The following B4GALT5 variants were observed in gnomAD, a reference collection of about 807,000 sequenced individuals.
B4GALT5 encodes the protein UDP-Gal:beta-GlcNAc beta-1,4-galactosyltransferase 5.
Under a neutral mutation model 45.0 loss-of-function variants are expected in B4GALT5, and 11 were observed. That is an observed-to-expected ratio of 0.24 (90% CI 0.15 to 0.40). B4GALT5 has a LOEUF of 0.40. Ranked by LOEUF, B4GALT5 falls within the 10% of genes least tolerant of loss-of-function variation. The pLI is 1.00. For missense variants in B4GALT5, 337 were observed against 500.2 expected (o/e 0.67, Z 3.11); for synonymous variants, 185 against 182.9 (o/e 1.01, Z -0.09).
rs781302647 is a variant in B4GALT5, at chr20:49,642,527, G to A, written c.547C>T (p.His183Tyr). 1.9e-6 allele frequency: 3 copies of A among 1,614,204 alleles called. No homozygotes were observed. The highest frequency in any genetic ancestry group is 2.5e-6 in the Non-Finnish European group (3 of 1,180,020). ...RHEHLPVLFR[H>Y]LLPMLQRQRL... is the part of the protein sequence containing the mutation. ...TGGCGCTGGAGCATGGGAAGCAGGT[G>A]TCTGAACAGGACTGGGAGGTGCTCG... The change falls in exon 5 of 9, where the codon CAC becomes TAC. Residue 183 changes from histidine (H) to tyrosine (Y), a missense_variant. By Grantham distance (83) the His-to-Tyr change is moderately conservative. Transcript: ENST00000371711.
chr20:49,707,607 T>C (rs866487400), intron 1 of B4GALT5, among the ~76,000 whole-genome samples: 9 of 152,064 alleles, frequency 5.9e-5, no homozygotes, highest in African/African-American at 2.2e-4. Flanking sequence ...ATATAAAACA[T>C]GTATCTTCTC....
intron 1 of B4GALT5, among the ~76,000 whole-genome samples, chr20:49,713,218 G>A (rs768690930): frequency 3.3e-5 from 5 of 151,912 alleles, no homozygotes; most frequent in Non-Finnish European, 5.9e-5. Context: ...GGGAAGGGAA[G>A]GGGAAGCGGG....
chr20:49,641,872 C>T (rs188546992), intron 5 of B4GALT5, among the ~76,000 whole-genome samples: 31 of 151,592 alleles, frequency 2.0e-4, no homozygotes, highest in African/African-American at 7.5e-4. Flanking sequence ...GTAGGCCCGG[C>T]AAGAGAAAAC....
intron 1 of B4GALT5, among the ~76,000 whole-genome samples, chr20:49,659,568 C>T (rs2085657085): frequency 6.6e-6 from 1 of 151,958 alleles, no homozygotes; most frequent in Non-Finnish European, 1.5e-5. Flanking sequence ...GGAACTAGCA[C>T]AATGCTAAAA....
At chr20:49,655,138 TA>T (rs796463302) in intron 2 of B4GALT5, among the ~76,000 whole-genome samples, 7 of 134,770 alleles carry the variant, frequency 5.2e-5, no homozygotes, top group Admixed American at 7.3e-5. Flanking sequence ...CTCAAGAGAA[TA>T]AAAAAAAAAG....
At chr20:49,674,809 T>C (rs1303436218) in intron 1 of B4GALT5, among the ~76,000 whole-genome samples, 1 of 152,198 alleles carries the variant, frequency 6.6e-6, no homozygotes, top group Non-Finnish European at 1.5e-5. Flanking sequence ...TGTCTCTCAA[T>C]GGCTTTCCAC....
At chr20:49,666,826 C>G (rs987751472) in intron 1 of B4GALT5, among the ~76,000 whole-genome samples, 3 of 152,172 alleles carry the variant, frequency 2.0e-5, no homozygotes, top group Non-Finnish European at 4.4e-5. Flanking sequence ...ATAATTCAAC[C>G]TTACCCCCAA....
At chr20:49,703,733 A>AAAAATAATAATAAT (rs1442794282) in intron 1 of B4GALT5, among the ~76,000 whole-genome samples, 2,179 of 151,442 alleles carry the variant, frequency 0.014, 62 homozygotes, top group African/African-American at 0.05. Flanking sequence ...TACTAAAAAA[A>AAAAATAATAATAAT]AAAAAAATAG....
At chr20:49,654,273 G>T (rs1017142718) in intron 2 of B4GALT5, among the ~76,000 whole-genome samples, 15 of 152,202 alleles carry the variant, frequency 9.9e-5, no homozygotes, top group African/African-American at 3.6e-4. Flanking sequence ...TACTATGTGT[G>T]AAAAATGCAA....
At position 49,695,152 on chromosome 20, in the gene B4GALT5, C is replaced by T. The variant is rs2085833620; in HGVS notation, c.115+18424G>A. Among the ~76,000 whole-genome samples the T allele has an allele frequency of 3.3e-5, 5 of 151,324 alleles. No individual in the cohort carries two copies. The South Asian group carries it at 1.0e-3, about 31-fold the overall frequency. ...AATGCAGTTTTTGCACACCTAACTC[C>T]AATTTTTCATAATCTCTATGGCTTT... is the stretch of plus-strand genomic sequence containing the variant. On this transcript the variant is annotated intron_variant, in intron 1 of 8. Transcript: ENST00000371711.
At chr20:49,704,490 T>C (rs4809752) in intron 1 of B4GALT5, among the ~76,000 whole-genome samples, 100,421 of 151,552 alleles carry the variant, frequency 0.66, 33,376 homozygotes, top group South Asian at 0.79. Context: ...GAGGCCGAGG[T>C]GGGCGGATCA....
At chr20:49,650,733 A>G (rs2085618924) in intron 2 of B4GALT5, among the ~76,000 whole-genome samples, 1 of 152,138 alleles carries the variant, frequency 6.6e-6, no homozygotes, top group South Asian at 2.1e-4. Context: ...ACCTGGTAAA[A>G]CTATGTGCAG....
chr20:49,644,631 A>C (rs1568716128), intron 3 of B4GALT5, among the ~76,000 whole-genome samples: 1 of 152,342 alleles, frequency 6.6e-6, no homozygotes. Flanking sequence ...AGGCCTGTCA[A>C]CGCCTATTTC....
chr20:49,639,671 G>T lies in B4GALT5; in HGVS notation c.917+7C>A. The T allele has an allele frequency of 6.2e-7, 1 of 1,613,200 alleles. No individual in the cohort carries two copies. The highest frequency in any genetic ancestry group is 8.5e-7 in the Non-Finnish European group (1 of 1,179,310). On this transcript the variant is annotated splice_region_variant and intron_variant, in intron 7 of 8. Coordinates refer to ENST00000371711, the MANE Select transcript of B4GALT5 (RefSeq NM_004776.4). ...TCTAGAAGACACCGAAAGAACGGCA[G>T]AGGTACCTGTTCCAGAGGTCGTCAT...
intron 1 of B4GALT5, among the ~76,000 whole-genome samples, chr20:49,679,307 C>T (rs921896278): frequency 2.0e-5 from 3 of 152,094 alleles, no homozygotes; most frequent in Non-Finnish European, 2.9e-5. Flanking sequence ...TAAAATGAAG[C>T]TAAAAATTTA....
intron 1 of B4GALT5, among the ~76,000 whole-genome samples, chr20:49,674,906 G>C (rs1288019873): frequency 6.6e-6 from 1 of 152,114 alleles, no homozygotes; most frequent in African/African-American, 2.4e-5. Flanking sequence ...TTCAGTTCTT[G>C]CCACTCCCAA....
At chr20:49,678,023 T>A (rs796930767) in intron 1 of B4GALT5, among the ~76,000 whole-genome samples, 3 of 152,242 alleles carry the variant, frequency 2.0e-5, no homozygotes, top group African/African-American at 7.2e-5. Flanking sequence ...GCTGGAATTA[T>A]AGGCGTGAGT....
At chr20:49,657,985 G>A (rs1292687767) in intron 1 of B4GALT5, among the ~76,000 whole-genome samples, 3 of 151,992 alleles carry the variant, frequency 2.0e-5, no homozygotes, top group South Asian at 2.1e-4. Context: ...GAAATCTTTC[G>A]AAAGATTTCA....
chr20:49,686,878 GAC>G (rs2085788154), intron 1 of B4GALT5, among the ~76,000 whole-genome samples: 1 of 151,484 alleles, frequency 6.6e-6, no homozygotes, highest in African/African-American at 2.4e-5. Context: ...CAGCCTGGGT[GAC>G]ACAGCGAGAC....
Sources: gnomAD v4.1 joint callset for allele counts (sites outside exome capture counted in the v4.1 genomes callset) on GRCh38, gnomAD v4.1.1 for gene constraint, MANE v1.5 for transcripts, NCBI Gene and HGNC (gene_info 2026-07-23, HGNC 2026-07-21) for gene names.